Variants in SDF2 observed in about 807,000 individuals in gnomAD.
SDF2 encodes stromal cell derived factor 2.
Under a neutral mutation model 20.5 loss-of-function variants are expected in SDF2, and 12 were observed. The ratio of observed to expected loss-of-function variants is 0.58; its 90% CI spans 0.37 to 0.95. SDF2 has a LOEUF of 0.95. SDF2 is among the 40% of genes least tolerant of loss of function. The pLI is 0.01. For missense variants in SDF2, 238 were observed against 263.1 expected (o/e 0.90, Z 0.66); for synonymous variants, 100 against 101.0 (o/e 0.99, Z 0.06).
At chr17:28,658,144 C>T (rs1321094714) in intron 1 of SDF2, among the ~76,000 whole-genome samples, 1 of 152,138 alleles carries the variant, frequency 6.6e-6, no homozygotes, top group Admixed American at 6.5e-5. Flanking sequence ...TACATTTTGT[C>T]TCCTACATTT....
Position 28,661,844 on chromosome 17 carries a change from A to AC in SDF2, c.32dup (p.Leu12PhefsTer41). 3.1e-6 allele frequency: 5 copies of AC among 1,613,766 alleles called. No homozygotes were observed. Among genetic ancestry groups the AC allele is most frequent in the South Asian group, 1.1e-5 (1 of 91,074 alleles). ...TGGACGCTCCCACAGCGCTCCACAA[A>AC]CCCCCCAACAACAGCAGAGGTACTA... On this transcript the variant is annotated frameshift_variant, in exon 1 of 3. Coordinates refer to ENST00000247020, the MANE Select transcript of SDF2 (RefSeq NM_006923.4). LOFTEE classifies it high-confidence loss of function.
At chr17:28,652,017 G>C (rs1331432287) in intron 2 of SDF2, among the ~76,000 whole-genome samples, 3 of 152,058 alleles carry the variant, frequency 2.0e-5, no homozygotes, top group African/African-American at 7.3e-5. Flanking sequence ...ACATCAATAA[G>C]AACACTAGCC....
At chr17:28,653,479 T>A (rs2151581874) in intron 2 of SDF2, among the ~76,000 whole-genome samples, 1 of 152,276 alleles carries the variant, frequency 6.6e-6, no homozygotes, top group Admixed American at 6.5e-5. Context: ...ATGGCAAGTA[T>A]ATGTAATGTG....
chr17:28,661,705 G>C (rs780331279), intron 1 of SDF2, 21 bp downstream of exon 1: 4 of 1,602,392 alleles, frequency 2.5e-6, no homozygotes, highest in Non-Finnish European at 3.4e-6. Flanking sequence ...TAGCCCACCC[G>C]AGCCCGGTCC....
intron 2 of SDF2, among the ~76,000 whole-genome samples, 159 bp from the exon 3 acceptor site, chr17:28,649,435 G>C (rs554084075): frequency 6.6e-6 from 1 of 152,348 alleles, no homozygotes; most frequent in African/African-American, 2.4e-5. Context: ...GAGCAGGGCA[G>C]ATCACTTGAG....
At chr17:28,658,156 C>G (rs922922305) in intron 1 of SDF2, among the ~76,000 whole-genome samples, 6 of 152,086 alleles carry the variant, frequency 3.9e-5, no homozygotes, top group African/African-American at 1.4e-4. Flanking sequence ...CCTACATTTT[C>G]TGCTTTCTAT....
rs2071916779 is a variant in SDF2, at chr17:28,651,794, G to A, written c.349-2518C>T. ...TTATTTCAGAAGTGTGTGTGTGTGT[G>A]TGTGTGTACACTCTACTTGATAAAA... is the stretch of plus-strand genomic sequence containing the variant. On this transcript the variant is annotated intron_variant, in intron 2 of 2. Coordinates refer to ENST00000247020, the MANE Select transcript of SDF2 (RefSeq NM_006923.4). Among the ~76,000 whole-genome samples, 3 of 152,246 alleles carry A rather than the reference G, an allele frequency of 2.0e-5. No homozygotes were observed. The South Asian group carries it at 6.2e-4, about 32-fold the overall frequency.
rs1316058276 is a variant in SDF2 at position 28,655,485 on chromosome 17, T to C, written c.152-2A>G. On this transcript the variant is annotated splice_acceptor_variant, in intron 1 of 2. Transcript: ENST00000247020. LOFTEE classifies it high-confidence loss of function. ...CTGTCACTGACTGCTGCCCACTACC[T>C]GCAGTTAAGAAAAGAAAGGCAACTC... is the stretch of plus-strand genomic sequence containing the variant. The C allele has an allele frequency of 6.3e-7, 1 of 1,580,066 alleles. No homozygotes were observed. The highest frequency in any genetic ancestry group is 1.4e-5 in the African/African-American group (1 of 73,546).
rs1241083628 is a variant in SDF2, at chr17:28,661,752, T to C, written c.125A>G (p.His42Arg). ...TGACCCATAGCGCACGTCGTGTGAG[T>C]GCAGTCGGACGTTGTGGCGCGTATT... ...LLNTRHNVRLHSHDVRYGSGS... is the reference protein window; with the variant it reads ...LLNTRHNVRLRSHDVRYGSGS... Residue 42 changes from histidine to arginine, a missense_variant, in exon 1 of 3, where the codon CAC (histidine) becomes CGC (arginine). Coordinates refer to ENST00000247020, the MANE Select transcript of SDF2 (RefSeq NM_006923.4). 1 of 1,613,638 alleles carries C rather than the reference T, an allele frequency of 6.2e-7. No homozygotes were observed. Among genetic ancestry groups the C allele is most frequent in the Non-Finnish European group, 8.5e-7 (1 of 1,179,862 alleles).
chr17:28,660,132 G>A (rs2072009645), intron 1 of SDF2, among the ~76,000 whole-genome samples: 2 of 152,200 alleles, frequency 1.3e-5, no homozygotes, highest in Admixed American at 6.5e-5. Context: ...CCAGGCACTC[G>A]GCAGGCCGTG....
At chr17:28,658,316 G>A (rs952951763) in intron 1 of SDF2, among the ~76,000 whole-genome samples, 4 of 151,380 alleles carry the variant, frequency 2.6e-5, no homozygotes, top group African/African-American at 7.3e-5. Flanking sequence ...GGGGGATGTG[G>A]CAGGGTCACA....
chr17:28,656,818 A>T (rs2071967456), intron 1 of SDF2, among the ~76,000 whole-genome samples: 1 of 152,214 alleles, frequency 6.6e-6, no homozygotes, highest in Admixed American at 6.5e-5. Flanking sequence ...AATATTATTC[A>T]TGTTCATTAA....
rs927161278 is a variant in SDF2 at position 28,655,661 on chromosome 17, G to A, written c.152-178C>T. The A allele has an allele frequency of 2.4e-5, 15 of 628,704 alleles. 1 individual carries two copies. The highest frequency in any genetic ancestry group is 8.2e-5 in the South Asian group (4 of 48,630). 38.9% of individuals were successfully genotyped at this position (628,704 alleles called of 1,614,324 possible). A position where few individuals can be genotyped will look rare whatever the true frequency, so the allele number is the denominator to read the frequency against. ...ACTGCTCTACAAGAGACTGAAGACC[G>A]CCCTCAGCCATGATGGCCTAGCAGG... On this transcript the variant is annotated intron_variant, in intron 1 of 2. Coordinates refer to ENST00000247020, the MANE Select transcript of SDF2 (RefSeq NM_006923.4).
At chr17:28,659,609 G>A (rs544186873) in intron 1 of SDF2, among the ~76,000 whole-genome samples, 8 of 146,448 alleles carry the variant, frequency 5.5e-5, no homozygotes, top group South Asian at 2.2e-4. Context: ...CAGACGGGGC[G>A]GCCAGGCAGA....
At position 28,655,644 on chromosome 17, in the gene SDF2, A is replaced by G. The variant is rs2071955489; in HGVS notation, c.152-161T>C. The G allele has an allele frequency of 4.5e-6, 3 of 671,582 alleles. No individual in the cohort carries two copies. In the South Asian group the frequency reaches 5.7e-5, roughly 13 times the overall value. The allele number at this position is 671,582 out of a possible 1,614,324, so 41.6% of individuals were successfully genotyped here. A position where few individuals can be genotyped will look rare whatever the true frequency, so the allele number is the denominator to read the frequency against. ...GTGTAATGGATATTAATACTGCTCT[A>G]CAAGAGACTGAAGACCGCCCTCAGC... On this transcript the variant is annotated intron_variant, in intron 1 of 2. Coordinates refer to ENST00000247020, the MANE Select transcript of SDF2 (RefSeq NM_006923.4).
intron 1 of SDF2, among the ~76,000 whole-genome samples, chr17:28,659,130 ATG>A (rs2071995930): frequency 1.6e-5 from 1 of 62,134 alleles, no homozygotes; most frequent in African/African-American, 6.2e-5. Context: ...ATCCCAGACA[ATG>A]GGCGGCCGGG....
intron 2 of SDF2, among the ~76,000 whole-genome samples, chr17:28,652,626 C>A (rs2071924425): frequency 6.6e-6 from 1 of 152,074 alleles, no homozygotes; most frequent in Non-Finnish European, 1.5e-5. Flanking sequence ...TTTATTCTGT[C>A]AAGTGAGAGG....
At chr17:28,651,779 AGTGTGTGTGTGTGT>A (rs34854649) in intron 2 of SDF2, among the ~76,000 whole-genome samples, 1 of 150,214 alleles carries the variant, frequency 6.7e-6, no homozygotes, top group Admixed American at 6.7e-5. Flanking sequence ...TTATTTCAGA[AGTGTGTGTGTGTGT>A]GTGTGTGTAC....
At chr17:28,651,766 TG>T (rs1262054753) in intron 2 of SDF2, among the ~76,000 whole-genome samples, 1 of 150,866 alleles carries the variant, frequency 6.6e-6, no homozygotes, top group East Asian at 1.9e-4. Flanking sequence ...AAAAAATTAC[TG>T]ATTATTTCAG....
Sources: allele counts gnomAD v4.1 joint callset (sites outside exome capture counted in the v4.1 genomes callset), GRCh38; gene constraint gnomAD v4.1.1; transcripts MANE v1.5; gene names NCBI Gene and HGNC (gene_info 2026-07-23, HGNC 2026-07-21).